Variants in OPHN1 observed in about 807,000 individuals in gnomAD.
The protein encoded by OPHN1 is oligophrenin-1.
Under a neutral mutation model 60.7 loss-of-function variants are expected in OPHN1, and 11 were observed. That is an observed-to-expected ratio of 0.18 (90% CI 0.11 to 0.30). The LOEUF is 0.30. OPHN1 is among the 10% of genes least tolerant of loss of function. The pLI is 1.00. For missense variants in OPHN1, 449 were observed against 611.0 expected (o/e 0.73, Z 2.80); for synonymous variants, 226 against 222.6 (o/e 1.02, Z -0.14).
At chrX:68,132,612 G>A (rs1173694961) in intron 15 of OPHN1, among the ~76,000 whole-genome samples, 1 of 95,528 alleles carries the variant, frequency 1.0e-5, no homozygotes, top group Admixed American at 1.1e-4. Context: ...TGACACGTTA[G>A]TGGGTGCAGC....
intron 6 of OPHN1, among the ~76,000 whole-genome samples, chrX:68,225,504 G>A (rs979830870): frequency 3.6e-5 from 4 of 111,726 alleles, no homozygotes; most frequent in Non-Finnish European, 7.5e-5. Flanking sequence ...ATACAGCTGG[G>A]TGCCCCTCTG....
At chrX:68,359,141 ACCT>A (rs1193077321) in intron 2 of OPHN1, among the ~76,000 whole-genome samples, 2 of 111,356 alleles carry the variant, frequency 1.8e-5, no homozygotes, top group African/African-American at 6.5e-5. Context: ...AGCAACATTT[ACCT>A]CCTATTATGT....
At chrX:68,379,009 T>C (rs2037616748) in intron 2 of OPHN1, among the ~76,000 whole-genome samples, 1 of 110,904 alleles carries the variant, frequency 9.0e-6, no homozygotes, top group Admixed American at 9.7e-5. Flanking sequence ...ATTGAATCTA[T>C]AAATTACCTT....
intron 15 of OPHN1, among the ~76,000 whole-genome samples, chrX:68,160,026 C>T (rs1046758026): frequency 1.8e-5 from 2 of 108,541 alleles, no homozygotes; most frequent in African/African-American, 6.7e-5. Context: ...CAGTTGTATG[C>T]TTTCTATAGC....
intron 2 of OPHN1, among the ~76,000 whole-genome samples, chrX:68,429,195 G>T (rs764112321): frequency 1.8e-5 from 2 of 110,436 alleles, no homozygotes; most frequent in African/African-American, 6.6e-5. Flanking sequence ...GCCAAGGGGG[G>T]GCGGACTGCC....
chrX:68,184,478 C>G (rs2077452846), intron 15 of OPHN1, among the ~76,000 whole-genome samples: 1 of 104,703 alleles, frequency 9.6e-6, no homozygotes, highest in African/African-American at 3.5e-5. Context: ...GCTGAGATCA[C>G]GTCACTGCAC....
intron 19 of OPHN1, among the ~76,000 whole-genome samples, chrX:68,094,989 C>T (rs1248839977): frequency 9.0e-6 from 1 of 111,097 alleles, no homozygotes; most frequent in Non-Finnish European, 1.9e-5. Context: ...TCCTCATTTC[C>T]TTATTTTCTC....
chrX:68,294,473 CAAAAAAAAAAAA>C (rs570989143), intron 3 of OPHN1, among the ~76,000 whole-genome samples: 6 of 10,657 alleles, frequency 5.6e-4, no homozygotes, highest in East Asian at 5.8e-3. Context: ...GACTCTATCA[CAAAAAAAAAAAA>C]AAAAAAAAAA....
intron 2 of OPHN1, among the ~76,000 whole-genome samples, chrX:68,363,017 G>A (rs2078481069): frequency 9.0e-6 from 1 of 110,610 alleles, no homozygotes; most frequent in Non-Finnish European, 1.9e-5. Context: ...GGATGCCAAG[G>A]CGGGTGGATC....
chrX:68,331,418 CTA>C (rs1441054637), intron 2 of OPHN1, among the ~76,000 whole-genome samples: 17 of 109,695 alleles, frequency 1.5e-4, no homozygotes, highest in African/African-American at 5.6e-4. Context: ...TTCACTATCT[CTA>C]TGTTTTACTT....
Position 68,425,812 on chromosome X carries a change from C to CTTTTTTT in OPHN1, c.154+7048_154+7054dup, listed in dbSNP as rs1188011531. Among the ~76,000 whole-genome samples, 21 of 38,658 alleles carry CTTTTTTT rather than the reference C, an allele frequency of 5.4e-4. 8 individuals are homozygous for CTTTTTTT. Among genetic ancestry groups the CTTTTTTT allele is most frequent in the East Asian group, 1.8e-3 (2 of 1,091 alleles). 33.6% of individuals were successfully genotyped at this position (38,658 alleles called of 115,157 possible). A position where few individuals can be genotyped will look rare whatever the true frequency, so the allele number is the denominator to read the frequency against. The stretch of plus-strand genomic sequence containing the variant: ...TGAGCCAATGCACCTGGACTGGATT[C>CTTTTTTT]TTTTTTTTTTTTTTTTTTTTTTTTT... On this transcript the variant is annotated intron_variant, in intron 2 of 24. Transcript: ENST00000355520.
chrX:68,404,964 A>C (rs1380683549), intron 2 of OPHN1, among the ~76,000 whole-genome samples: 3 of 111,885 alleles, frequency 2.7e-5, no homozygotes, highest in Non-Finnish European at 5.6e-5. Flanking sequence ...TCATTGTTGC[A>C]AGATGAAAAC....
intron 2 of OPHN1, among the ~76,000 whole-genome samples, chrX:68,418,230 A>T (rs968139574): frequency 8.9e-6 from 1 of 111,857 alleles, no homozygotes; most frequent in African/African-American, 3.2e-5. Flanking sequence ...TTTGAAGGTG[A>T]ATCATTAGAG....
At chrX:68,393,881 C>CTTTTTTTTTT (rs757567783) in intron 2 of OPHN1, among the ~76,000 whole-genome samples, 1 of 25,618 alleles carries the variant, frequency 3.9e-5, no homozygotes, top group Non-Finnish European at 1.3e-4. Context: ...ATCCAATAGA[C>CTTTTTTTTTT]TTTGTTTTTT....
chrX:68,419,364 T>G (rs780082810), intron 2 of OPHN1, among the ~76,000 whole-genome samples: 11 of 109,171 alleles, frequency 1.0e-4, no homozygotes, highest in Non-Finnish European at 2.1e-4. Flanking sequence ...ATTAGCACAC[T>G]GGCACCCCGC....
intron 5 of OPHN1, among the ~76,000 whole-genome samples, chrX:68,268,721 G>A (rs1266441408): frequency 9.0e-6 from 1 of 111,368 alleles, no homozygotes; most frequent in Non-Finnish European, 1.9e-5. Context: ...ATTCAACATA[G>A]TTTTGGAAGT....
rs189585331 is a variant in OPHN1, at chrX:68,165,691, A to G, written c.1276+27228T>C. On this transcript the variant is annotated intron_variant, in intron 15 of 24. Transcript: ENST00000355520. The stretch of plus-strand genomic sequence containing the variant: ...TGCTGTTGAAAAAATGGCACCAAGA[A>G]ACTTGCTCAGTACATCGCCACAGTG... 1.4e-3 allele frequency among the ~76,000 whole-genome samples: 156 copies of G among 112,081 alleles called. 1 individual carries two copies. The highest frequency in any genetic ancestry group is 4.6e-3 in the Middle Eastern group (1 of 216).
chrX:68,305,063 AAAT>A (rs1230282738), intron 2 of OPHN1, among the ~76,000 whole-genome samples: 1 of 110,902 alleles, frequency 9.0e-6, no homozygotes. Flanking sequence ...TGGTAAAAAA[AAAT>A]AATAATAATT....
Position 68,073,408 on chromosome X carries a change from G to A in OPHN1, c.1687-109C>T, listed in dbSNP as rs763324399. ...TGGCCTTATATCTAGAGTTTGTAAC[G>A]TGAATACTAACATGACTCAAAGAAT... On this transcript the variant is annotated intron_variant, in intron 19 of 24. Transcript: ENST00000355520. 5.8e-5 allele frequency: 37 copies of A among 639,990 alleles called. No homozygotes were observed. In the African/African-American group the frequency reaches 7.3e-4, roughly 13 times the overall value. 52.7% of individuals were successfully genotyped at this position (639,990 alleles called of 1,213,427 possible). A position where few individuals can be genotyped will look rare whatever the true frequency, so the allele number is the denominator to read the frequency against.
Sources: gnomAD v4.1 joint callset for allele counts (sites outside exome capture counted in the v4.1 genomes callset) on GRCh38, gnomAD v4.1.1 for gene constraint, MANE v1.5 for transcripts, NCBI Gene and HGNC (gene_info 2026-07-23, HGNC 2026-07-21) for gene names.